PCCA: variants seen among roughly 807,000 people sequenced by gnomAD.
The protein encoded by PCCA is propionyl-CoA carboxylase subunit alpha.
In PCCA, 74 loss-of-function variants were observed where a neutral mutation model predicts 101.3. The ratio of observed to expected loss-of-function variants is 0.73; its 90% CI spans 0.61 to 0.89. The LOEUF is 0.89. PCCA is among the 40% of genes least tolerant of loss of function. The probability of loss-of-function intolerance (pLI) is 0.00; values close to 1 mark genes in which losing one functional copy is unlikely to be tolerated. For missense variants in PCCA, 891 were observed against 907.0 expected, an observed-to-expected ratio of 0.98 and a Z score of 0.23; for synonymous variants, 294 against 313.6, an observed-to-expected ratio of 0.94 and a Z score of 0.66.
At chr13:100,401,116 G>A (rs1342599023) in intron 19 of PCCA, among the ~76,000 whole-genome samples, 5 of 151,996 alleles carry the variant, frequency 3.3e-5, no homozygotes, top group African/African-American at 4.8e-5. Context: ...GGCTTATCCC[G>A]AGAATTGACT....
chr13:100,327,496 C>T (rs1016996978), intron 16 of PCCA, among the ~76,000 whole-genome samples: 1 of 152,158 alleles, frequency 6.6e-6, no homozygotes, highest in African/African-American at 2.4e-5. Flanking sequence ...TAAATTGTTT[C>T]CAGGTTTTGA....
intron 21 of PCCA, among the ~76,000 whole-genome samples, chr13:100,458,356 A>C (rs1429869254): frequency 2.0e-4 from 15 of 74,984 alleles, no homozygotes; most frequent in East Asian, 1.1e-3. Context: ...GTGGGACCCC[A>C]TCTCTACACA....
chr13:100,385,551 T>C lies in PCCA; in HGVS notation c.1746+16977T>C, dbSNP rs376186778. ...CACACACACATTCAAGTGAAAATCA[T>C]GATGAGATACGATTTTCCATGCACA... On this transcript the variant is annotated intron_variant, in intron 19 of 23. Transcript: ENST00000376285. Among the ~76,000 whole-genome samples the C allele has an allele frequency of 1.1e-3, 166 of 152,348 alleles. 6 individuals are homozygous for C. In the South Asian group the frequency reaches 0.031, roughly 29 times the overall value.
At chr13:100,330,295 G>T (rs571132384) in intron 16 of PCCA, among the ~76,000 whole-genome samples, 66 of 152,158 alleles carry the variant, frequency 4.3e-4, no homozygotes, top group African/African-American at 1.5e-3. Flanking sequence ...TAAAATTCAC[G>T]GCCCAAAACC....
intron 21 of PCCA, among the ~76,000 whole-genome samples, chr13:100,507,945 C>T (rs897174515): frequency 4.6e-5 from 7 of 152,092 alleles, no homozygotes; most frequent in East Asian, 1.9e-4. Flanking sequence ...TGTGAGCCAC[C>T]GCACCCAGCC....
At chr13:100,317,891 A>G (rs965659886) in intron 16 of PCCA, among the ~76,000 whole-genome samples, 2 of 152,008 alleles carry the variant, frequency 1.3e-5, no homozygotes, top group African/African-American at 4.8e-5. Flanking sequence ...CCTGGCCCTC[A>G]TCTCCCCATT....
intron 20 of PCCA, among the ~76,000 whole-genome samples, chr13:100,428,553 C>T (rs113775010): frequency 2.0e-4 from 30 of 152,080 alleles, no homozygotes; most frequent in Admixed American, 7.9e-4. Context: ...TAGTACTTTG[C>T]GATTTTTCCT....
At chr13:100,352,434 A>G (rs7996460) in intron 18 of PCCA, among the ~76,000 whole-genome samples, 105,552 of 148,428 alleles carry the variant, frequency 0.71, 37,787 homozygotes, top group Middle Eastern at 0.8. Context: ...GTCTTGCTCT[A>G]TCACCCAGTC....
At chr13:100,312,479 C>T (rs1262973016) in intron 16 of PCCA, among the ~76,000 whole-genome samples, 1 of 152,176 alleles carries the variant, frequency 6.6e-6, no homozygotes, top group Non-Finnish European at 1.5e-5. Flanking sequence ...CACGCTCAAG[C>T]GTCTTTGCAG....
intron 6 of PCCA, among the ~76,000 whole-genome samples, chr13:100,193,169 G>A (rs1245265597): frequency 1.3e-5 from 2 of 152,144 alleles, no homozygotes; most frequent in Non-Finnish European, 2.9e-5. Context: ...GGCCTGAGAA[G>A]GTGATTGAAT....
At chr13:100,228,236 G>A (rs541732036) in intron 7 of PCCA, among the ~76,000 whole-genome samples, 1 of 152,022 alleles carries the variant, frequency 6.6e-6, no homozygotes, top group South Asian at 2.1e-4. Flanking sequence ...GGCTGGTCTC[G>A]AACTCCTGAC....
At chr13:100,300,966 C>T (rs890952534) in intron 12 of PCCA, among the ~76,000 whole-genome samples, 1 of 152,072 alleles carries the variant, frequency 6.6e-6, no homozygotes, top group South Asian at 2.1e-4. Flanking sequence ...TACACTGCCT[C>T]GATGCAAGAT....
chr13:100,334,868 T>A (rs2070193270), intron 17 of PCCA, among the ~76,000 whole-genome samples: 1 of 152,156 alleles, frequency 6.6e-6, no homozygotes, highest in South Asian at 2.1e-4. Context: ...AAAGAAATAA[T>A]AGAGATTTTT....
intron 8 of PCCA, among the ~76,000 whole-genome samples, chr13:100,243,347 C>A (rs1174790519): frequency 6.6e-6 from 1 of 152,132 alleles, no homozygotes; most frequent in East Asian, 1.9e-4. Flanking sequence ...ATGAATTAAG[C>A]AATCACATAT....
At chr13:100,146,679 AT>A (rs1205455966) in intron 4 of PCCA, among the ~76,000 whole-genome samples, 3 of 152,178 alleles carry the variant, frequency 2.0e-5, no homozygotes, top group African/African-American at 4.8e-5. Context: ...AATTAAAAAA[AT>A]GAATCATTTT....
chr13:100,312,686 G>A (rs996326499), intron 16 of PCCA, among the ~76,000 whole-genome samples: 3 of 152,158 alleles, frequency 2.0e-5, no homozygotes, highest in Admixed American at 6.5e-5. Flanking sequence ...CACAGTGTCC[G>A]CTAAATGGAT....
chr13:100,113,636 T>TGGTGCA (rs1345998605), intron 4 of PCCA, among the ~76,000 whole-genome samples: 2 of 150,868 alleles, frequency 1.3e-5, no homozygotes, highest in Non-Finnish European at 2.9e-5. Context: ...TAGAGTGCAG[T>TGGTGCA]GGTGCAGTCT....
intron 8 of PCCA, among the ~76,000 whole-genome samples, chr13:100,248,177 T>C (rs1238419629): frequency 6.6e-5 from 10 of 152,166 alleles, no homozygotes; most frequent in Admixed American, 6.5e-4. Flanking sequence ...GAGAGTTTAG[T>C]CCATTTATAT....
At chr13:100,179,784 G>A (rs998623554) in intron 6 of PCCA, among the ~76,000 whole-genome samples, 1 of 151,946 alleles carries the variant, frequency 6.6e-6, no homozygotes, top group Non-Finnish European at 1.5e-5. Context: ...GGTCATGAAT[G>A]GTGGTGGTGC....
Sources: allele counts gnomAD v4.1 joint callset (sites outside exome capture counted in the v4.1 genomes callset), GRCh38; gene constraint gnomAD v4.1.1; transcripts MANE v1.5; gene names NCBI Gene and HGNC (gene_info 2026-07-23, HGNC 2026-07-21).